The following COL13A1 variants were observed in gnomAD, a reference collection of about 807,000 sequenced individuals.
The protein encoded by COL13A1 is collagen type XIII alpha 1 chain.
A neutral mutation model predicts 130.9 loss-of-function variants in COL13A1; 89 were observed. The observed-to-expected ratio is 0.68, with a 90% CI of 0.57 to 0.81. The LOEUF (loss-of-function observed/expected upper bound fraction) is 0.81, where lower values mean the gene tolerates loss of function less well. COL13A1 is among the 30% of genes least tolerant of loss of function. The pLI is 0.00. For synonymous variants in COL13A1, 402 were observed against 341.6 expected (o/e 1.18, Z -1.95); for missense variants, 879 against 934.6 (o/e 0.94, Z 0.78).
intron 5 of COL13A1, among the ~76,000 whole-genome samples, chr10:69,876,888 C>A (rs980280531): frequency 6.6e-6 from 1 of 152,216 alleles, no homozygotes. Context: ...GACAGGCCCA[C>A]AGGGAAGGCT....
rs1233070381 is a variant in COL13A1, at chr10:69,936,120, GGAAGGAAA to G, written c.1771-628_1771-621del. Among the ~76,000 whole-genome samples the G allele has an allele frequency of 8.6e-3, 807 of 93,474 alleles. 76 individuals are homozygous for G. Among genetic ancestry groups the G allele is most frequent in the African/African-American group, 0.036 (758 of 20,878 alleles). The allele number at this position is 93,474 out of a possible 152,430, so 61.3% of individuals were successfully genotyped here. On this transcript the variant is annotated intron_variant, in intron 32 of 40. Coordinates refer to ENST00000645393, the MANE Select transcript of COL13A1 (RefSeq NM_001368882.1). ...GGGAAGGGAGGAAGGAAGGAAGGAA[GGAAGGAAA>G]GAAGGAAGGAAGGAAGGAAGGAAGG...
chr10:69,872,239 T>C (rs753992899), intron 4 of COL13A1, 29 bp downstream of exon 4: 2 of 1,613,680 alleles, frequency 1.2e-6, no homozygotes, highest in South Asian at 1.1e-5. Flanking sequence ...TTCTTTCCTT[T>C]GCATCTCTTT....
Position 69,802,273 on chromosome 10 carries a change from C to T in COL13A1, c.-151C>T, listed in dbSNP as rs965871436. On this transcript the variant is annotated 5_prime_UTR_variant, in exon 1 of 41. Coordinates refer to ENST00000645393, the MANE Select transcript of COL13A1 (RefSeq NM_001368882.1). ...CTTCCTCTCCTACTGCTAATTTTTCCGTCCTCTTTGCCGGGAGCAGCGGAA... is the reference window on the plus strand; with the variant it reads ...CTTCCTCTCCTACTGCTAATTTTTCTGTCCTCTTTGCCGGGAGCAGCGGAA... The T allele has an allele frequency of 1.1e-6, 1 of 946,518 alleles. No individual in the cohort carries two copies. The highest frequency in any genetic ancestry group is 1.4e-6 in the Non-Finnish European group (1 of 697,096). 58.6% of individuals were successfully genotyped at this position (946,518 alleles called of 1,614,324 possible). A position where few individuals can be genotyped will look rare whatever the true frequency, so the allele number is the denominator to read the frequency against.
chr10:69,875,284 C>T (rs2059467649), intron 5 of COL13A1, 121 bp downstream of exon 5: 2 of 1,217,206 alleles, frequency 1.6e-6, no homozygotes, highest in Admixed American at 1.9e-5. Flanking sequence ...CAGCACTTTC[C>T]CTTCCCCAAG....
rs577672579 is a variant in COL13A1 at position 69,842,225 on chromosome 10, C to T, written c.364+19787C>T. On this transcript the variant is annotated intron_variant, in intron 2 of 40. Coordinates refer to ENST00000645393, the MANE Select transcript of COL13A1 (RefSeq NM_001368882.1). Reference sequence around the variant, plus strand: ...GATCTGAAGCTTTCATAAGGGGAAACCCCTTTCACTTGATTCTCATTTCTC... The same window carrying T: ...GATCTGAAGCTTTCATAAGGGGAAATCCCTTTCACTTGATTCTCATTTCTC... Among the ~76,000 whole-genome samples the T allele has an allele frequency of 8.7e-4, 132 of 152,174 alleles. 2 individuals carry two copies. The highest frequency in any genetic ancestry group is 1.6e-4 in the Non-Finnish European group (11 of 68,038).
At chr10:69,921,768 G>T in intron 21 of COL13A1, 114 bp from the exon 22 acceptor site, 1 of 1,367,750 alleles carries the variant, frequency 7.3e-7, no homozygotes, top group Non-Finnish European at 1.0e-6. Context: ...CTGGGGGCAG[G>T]GGCACCGAGG....
At chr10:69,824,581 G>A (rs998755043) in intron 2 of COL13A1, among the ~76,000 whole-genome samples, 3 of 152,162 alleles carry the variant, frequency 2.0e-5, no homozygotes, top group Non-Finnish European at 4.4e-5. Context: ...GGAACCCACT[G>A]GTCCTGGGCA....
intron 1 of COL13A1, among the ~76,000 whole-genome samples, chr10:69,810,971 G>A (rs1267716608): frequency 6.6e-6 from 1 of 152,240 alleles, no homozygotes; most frequent in African/African-American, 2.4e-5. Flanking sequence ...GCCTGCCAGA[G>A]AGGCTGGGCA....
At chr10:69,874,367 G>C (rs2134139261) in intron 4 of COL13A1, among the ~76,000 whole-genome samples, 1 of 152,284 alleles carries the variant, frequency 6.6e-6, no homozygotes, top group Non-Finnish European at 1.5e-5. Flanking sequence ...CAGGCTCCCA[G>C]CAAACTCTAG....
At chr10:69,948,377 C>T (rs565887535) in intron 38 of COL13A1, among the ~76,000 whole-genome samples, 2 of 152,324 alleles carry the variant, frequency 1.3e-5, no homozygotes, top group African/African-American at 4.8e-5. Context: ...TGAGCACTCC[C>T]ATTTTCCTAA....
At chr10:69,935,800 G>A (rs138303169) in intron 32 of COL13A1, among the ~76,000 whole-genome samples, 1,607 of 152,058 alleles carry the variant, frequency 0.011, 30 homozygotes, top group African/African-American at 0.037. Context: ...GCTTGAGTCC[G>A]GAAGTTTGAG....
intron 38 of COL13A1, among the ~76,000 whole-genome samples, chr10:69,951,903 T>A (rs2069625683): frequency 6.6e-6 from 1 of 152,162 alleles, no homozygotes; most frequent in South Asian, 2.1e-4. Flanking sequence ...GAAGACTCCC[T>A]AGGGGCATAC....
chr10:69,882,467 C>T (rs2060234393), intron 7 of COL13A1, among the ~76,000 whole-genome samples: 2 of 152,248 alleles, frequency 1.3e-5, no homozygotes, highest in African/African-American at 2.4e-5. Flanking sequence ...AAAGCACCTT[C>T]TGCTCAGGTA....
intron 2 of COL13A1, among the ~76,000 whole-genome samples, chr10:69,850,549 C>T (rs1221059732): frequency 1.3e-5 from 2 of 151,108 alleles, no homozygotes; most frequent in Non-Finnish European, 2.9e-5. Flanking sequence ...AAGCCACCTA[C>T]TGAGAGGTCT....
chr10:69,938,086 C>T (rs1217650415), intron 34 of COL13A1, among the ~76,000 whole-genome samples: 1 of 152,228 alleles, frequency 6.6e-6, no homozygotes, highest in Non-Finnish European at 1.5e-5. Flanking sequence ...GTCTCCATTA[C>T]AGTCCATTTT....
intron 7 of COL13A1, among the ~76,000 whole-genome samples, chr10:69,886,247 T>G (rs140143911): frequency 3.3e-5 from 5 of 152,364 alleles, no homozygotes; most frequent in Non-Finnish European, 7.3e-5. Context: ...AGCTACCATT[T>G]CAATAGGCTT....
At chr10:69,954,310 C>T (rs1438772492) in intron 39 of COL13A1, among the ~76,000 whole-genome samples, 1 of 152,220 alleles carries the variant, frequency 6.6e-6, no homozygotes, top group Admixed American at 6.5e-5. Context: ...AGCCAGCTCT[C>T]CCACCCTGAA....
intron 2 of COL13A1, among the ~76,000 whole-genome samples, chr10:69,831,592 T>C (rs1848829274): frequency 6.6e-6 from 1 of 152,218 alleles, no homozygotes; most frequent in African/African-American, 2.4e-5. Flanking sequence ...GGTGCTTGCC[T>C]GATAGACTCG....
chr10:69,934,281 G>A (rs2066533868), intron 31 of COL13A1, among the ~76,000 whole-genome samples: 1 of 152,312 alleles, frequency 6.6e-6, no homozygotes, highest in African/African-American at 2.4e-5. Flanking sequence ...CCATGATTAG[G>A]ATACATAAAC....
Sources: gnomAD v4.1 joint callset for allele counts (sites outside exome capture counted in the v4.1 genomes callset) on GRCh38, gnomAD v4.1.1 for gene constraint, MANE v1.5 for transcripts, NCBI Gene and HGNC (gene_info 2026-07-23, HGNC 2026-07-21) for gene names.